Variants in ITSN2 observed in about 807,000 individuals in gnomAD.
ITSN2 encodes intersectin 2, also known as intersectin-2.
In ITSN2, 156 loss-of-function variants were observed where a neutral mutation model predicts 243.7. The observed-to-expected ratio is 0.64, with a 90% CI of 0.56 to 0.73. The LOEUF (loss-of-function observed/expected upper bound fraction) is 0.73, where lower values mean the gene tolerates loss of function less well. Among genes scored for constraint, ITSN2 ranks in the 30% least tolerant of loss-of-function variants. The pLI, the probability that ITSN2 is intolerant of heterozygous loss-of-function variation, is 0.00. For synonymous variants in ITSN2, 703 were observed against 699.9 expected (o/e 1.00, Z -0.07); for missense variants, 1,801 against 1,996.1 (o/e 0.90, Z 1.86).
At chr2:24,218,108 A>G in intron 30 of ITSN2, 95 bp from the exon 31 acceptor site, 1 of 743,040 alleles carries the variant, frequency 1.3e-6, no homozygotes, top group Non-Finnish European at 2.3e-6. Context: ...AACTGAAACT[A>G]ATCAGATCAA....
chr2:24,286,239 T>A lies in ITSN2; in HGVS notation c.1836A>T (p.Glu612Asp). 1 of 1,597,924 alleles carries A rather than the reference T, an allele frequency of 6.3e-7. No homozygotes were observed. The highest frequency in any genetic ancestry group is 8.6e-7 in the Non-Finnish European group (1 of 1,168,740). The change falls in exon 16 of 40, where the codon GAA becomes GAT. Residue 612 changes from glutamate (E) to aspartate (D), a missense_variant. Glu to Asp is a conservative substitution (Grantham distance 45, BLOSUM62 2). Around this residue, in one of 5 missense-constraint regions of ITSN2, gnomAD observed 787 missense variants for 803.9 expected, o/e 0.98. Transcript: ENST00000355123. ...TTAGTTGATTGTTAAAAGAATCCATTTCTGACAGCTTAGATGCAGTTTCTT... is the reference window on the plus strand; with the variant it reads ...TTAGTTGATTGTTAAAAGAATCCATATCTGACAGCTTAGATGCAGTTTCTT... The part of the protein sequence containing the change: ...LEKETASKLS[E>D]MDSFNNQLKC...
chr2:24,252,269 A>T, intron 25 of ITSN2, 76 bp downstream of exon 25: 1 of 1,084,344 alleles, frequency 9.2e-7, no homozygotes, highest in South Asian at 1.5e-5. Context: ...GAATGGGTTG[A>T]TTTTATTTTT....
intron 22 of ITSN2, among the ~76,000 whole-genome samples, chr2:24,258,908 T>C (rs1472770378): frequency 4.6e-5 from 7 of 152,194 alleles, no homozygotes; most frequent in South Asian, 2.1e-4. Flanking sequence ...TTCCTGAAGC[T>C]GACTCTCTGG....
chr2:24,261,347 T>TA, intron 21 of ITSN2, 97 bp from the exon 22 acceptor site: 1 of 965,046 alleles, frequency 1.0e-6, no homozygotes, highest in Non-Finnish European at 1.5e-6. Context: ...ACACTGTGCT[T>TA]ACACACAATT....
chr2:24,288,602 C>A (rs767466389), intron 15 of ITSN2, among the ~76,000 whole-genome samples: 15 of 152,024 alleles, frequency 9.9e-5, no homozygotes, highest in Non-Finnish European at 1.5e-4. Flanking sequence ...AATATGTATA[C>A]ATTGTAAAAT....
chr2:24,339,422 G>A (rs1686800295), intron 1 of ITSN2, among the ~76,000 whole-genome samples: 1 of 149,638 alleles, frequency 6.7e-6, no homozygotes, highest in Non-Finnish European at 1.5e-5. Context: ...AGTGACCTGA[G>A]ATTGCGCCAC....
At chr2:24,299,652 G>A (rs1681472396) in intron 12 of ITSN2, among the ~76,000 whole-genome samples, 1 of 152,074 alleles carries the variant, frequency 6.6e-6, no homozygotes, top group South Asian at 2.1e-4. Flanking sequence ...CTCTGCAGTC[G>A]ATCCTCCTTT....
At chr2:24,360,592 C>T (rs1157045971), upstream of ITSN2, 4 of 152,292 alleles carry the variant, frequency 2.6e-5, no homozygotes, top group African/African-American at 4.8e-5. Flanking sequence ...GACGGCCCGC[C>T]CGCTGCCGGG....
intron 2 of ITSN2, among the ~76,000 whole-genome samples, chr2:24,325,970 G>A (rs1400279100): frequency 6.6e-6 from 1 of 151,608 alleles, no homozygotes; most frequent in African/African-American, 2.4e-5. Context: ...TTCACACACA[G>A]GCATACTTAC....
chr2:24,314,422 C>A (rs745574334), intron 3 of ITSN2, among the ~76,000 whole-genome samples: 3 of 152,138 alleles, frequency 2.0e-5, no homozygotes, highest in African/African-American at 7.2e-5. Flanking sequence ...TAACACTAAC[C>A]ATCTTTGTAA....
intron 2 of ITSN2, among the ~76,000 whole-genome samples, chr2:24,316,782 G>A (rs1683979986): frequency 6.6e-6 from 1 of 152,188 alleles, no homozygotes; most frequent in East Asian, 1.9e-4. Context: ...TGCAGTGGTG[G>A]CTGGTAAACT....
intron 1 of ITSN2, among the ~76,000 whole-genome samples, chr2:24,345,558 A>AT (rs972889202): frequency 3.6e-4 from 55 of 152,284 alleles, no homozygotes; most frequent in African/African-American, 1.2e-3. Flanking sequence ...ATCAAAATTT[A>AT]TTTTTTAATA....
At chr2:24,276,084 C>T (rs924668789) in intron 17 of ITSN2, among the ~76,000 whole-genome samples, 12 of 152,026 alleles carry the variant, frequency 7.9e-5, no homozygotes, top group Admixed American at 7.9e-4. Flanking sequence ...TTCATTTCTA[C>T]GGAACACAGA....
intron 16 of ITSN2, 138 bp downstream of exon 16, chr2:24,286,074 T>C: frequency 1.7e-6 from 1 of 583,690 alleles, no homozygotes; most frequent in Non-Finnish European, 3.0e-6. Context: ...AATCTTGAAA[T>C]TCTTGTATAG....
chr2:24,287,901 T>G (rs1679720275), intron 15 of ITSN2, among the ~76,000 whole-genome samples: 1 of 152,150 alleles, frequency 6.6e-6, no homozygotes, highest in Non-Finnish European at 1.5e-5. Context: ...TGTTTTTTGG[T>G]ATTGAGTTAT....
At chr2:24,207,274 G>T (rs971391783) in intron 37 of ITSN2, among the ~76,000 whole-genome samples, 3 of 152,074 alleles carry the variant, frequency 2.0e-5, no homozygotes, top group Non-Finnish European at 2.9e-5. Flanking sequence ...AGGAAAGGGC[G>T]ATGGGAAAGT....
intron 1 of ITSN2, among the ~76,000 whole-genome samples, chr2:24,357,360 G>A (rs192856351): frequency 4.6e-5 from 7 of 152,268 alleles, no homozygotes; most frequent in Admixed American, 1.3e-4. Context: ...ATCATCCTCA[G>A]CAAACTAACA....
In ITSN2 at chr2:24,203,571, C is replaced by CA; in HGVS notation, c.*54dup. 1 of 1,559,800 alleles carries CA rather than the reference C, an allele frequency of 6.4e-7. No homozygotes were observed. Among genetic ancestry groups the CA allele is most frequent in the South Asian group, 1.2e-5 (1 of 85,606 alleles). On this transcript the variant is annotated 3_prime_UTR_variant, in exon 40 of 40. Transcript: ENST00000355123. Reference sequence around the variant, plus strand: ...TCAGCCCCAAGAGAGCGCAGTCTCTCATTCTCCAGCCCCAGCCTTGTGGGC... The same window carrying CA: ...TCAGCCCCAAGAGAGCGCAGTCTCTCAATTCTCCAGCCCCAGCCTTGTGGGC...
intron 1 of ITSN2, among the ~76,000 whole-genome samples, chr2:24,333,184 C>T (rs923959956): frequency 6.6e-6 from 1 of 152,206 alleles, no homozygotes; most frequent in Non-Finnish European, 1.5e-5. Context: ...TGGGCTTTAT[C>T]TGCCTCTTCC....
Sources: gnomAD v4.1 joint callset for allele counts (sites outside exome capture counted in the v4.1 genomes callset) on GRCh38, gnomAD v4.1.1 for gene constraint, gnomAD v4.1.1 regional missense constraint, MANE v1.5 for transcripts, NCBI Gene and HGNC (gene_info 2026-07-23, HGNC 2026-07-21) for gene names.